Variants in SAMHD1 observed in about 807,000 individuals in gnomAD.
The protein encoded by SAMHD1 is SAM and HD domain containing deoxynucleoside triphosphate triphosphohydrolase 1.
A neutral mutation model predicts 79.6 loss-of-function variants in SAMHD1; 54 were observed. The ratio of observed to expected loss-of-function variants is 0.68; its 90% CI spans 0.55 to 0.85. The LOEUF is 0.85. Ranked by LOEUF, SAMHD1 falls within the 40% of genes least tolerant of loss-of-function variation. The probability of loss-of-function intolerance (pLI) is 0.00; values close to 1 mark genes in which losing one functional copy is unlikely to be tolerated. For synonymous variants in SAMHD1, 260 were observed against 264.1 expected (o/e 0.98, Z 0.15); for missense variants, 663 against 782.7 (o/e 0.85, Z 1.82).
rs60521937 is a variant in SAMHD1 at position 36,940,949 on chromosome 20, A to T, written c.348+90T>A. On this transcript the variant is annotated intron_variant, in intron 3 of 15. Coordinates refer to ENST00000646673, the MANE Select transcript of SAMHD1 (RefSeq NM_015474.4). ...TCACAATTCTATCACTGAGAAGCAG[A>T]TTTCCTCCTATTCTCTTCAAAATGA... is the stretch of plus-strand genomic sequence containing the variant. 904 of 962,310 alleles carry T rather than the reference A, an allele frequency of 9.4e-4. 7 individuals are homozygous for T. The African/African-American group carries it at 0.013, about 14-fold the overall frequency. 59.6% of individuals were successfully genotyped at this position (962,310 alleles called of 1,614,324 possible). A position where few individuals can be genotyped will look rare whatever the true frequency, so the allele number is the denominator to read the frequency against.
chr20:36,898,496 C>T lies in SAMHD1; in HGVS notation c.1552G>A (p.Val518Ile), dbSNP rs1990239690. 6.2e-7 allele frequency: 1 copy of T among 1,614,028 alleles called. No homozygotes were observed. Among genetic ancestry groups the T allele is most frequent in the Non-Finnish European group, 8.5e-7 (1 of 1,179,970 alleles). Residue 518 changes from valine (V) to isoleucine (I), a missense_variant, in exon 14 of 16, where the codon GTT becomes ATT. Val to Ile is a conservative substitution (Grantham distance 29). Transcript: ENST00000646673. ...GMQEKNPIDH[V>I]SFYCKTAPNR... Reference sequence around the variant, plus strand: ...GGGGCAGTCTTACAATAGAAGCTAACATGATCAATTGGATTCTTTTCTTGC... The same window carrying T: ...GGGGCAGTCTTACAATAGAAGCTAATATGATCAATTGGATTCTTTTCTTGC...
At chr20:36,920,845 G>A (rs903541097) in intron 6 of SAMHD1, among the ~76,000 whole-genome samples, 1 of 151,828 alleles carries the variant, frequency 6.6e-6, no homozygotes, top group Admixed American at 6.6e-5. Flanking sequence ...ATTTTTTTGA[G>A]AGGCAAAGGT....
At chr20:36,945,461 T>A (rs1384053438) in intron 2 of SAMHD1, among the ~76,000 whole-genome samples, 1 of 152,204 alleles carries the variant, frequency 6.6e-6, no homozygotes, top group Non-Finnish European at 1.5e-5. Context: ...TTGATTTTCT[T>A]ACTAACATTT....
Position 36,948,631 on chromosome 20 carries a change from G to A in SAMHD1, c.209-1827C>T, listed in dbSNP as rs180787225. ...CACCTGTAATCCCAGCACTTTGGGA[G>A]GCCAAGGCGTGTGAATCATCAGGTC... On this transcript the variant is annotated intron_variant, in intron 1 of 15. Transcript: ENST00000646673. 3.8e-3 allele frequency among the ~76,000 whole-genome samples: 580 copies of A among 151,600 alleles called. 5 individuals carry two copies. The highest frequency in any genetic ancestry group is 0.014 in the African/African-American group (560 of 41,410).
intron 2 of SAMHD1, 141 bp downstream of exon 2, chr20:36,946,596 CA>C: frequency 1.5e-6 from 1 of 652,622 alleles, no homozygotes. Context: ...CAAACAAAAC[CA>C]GCAGGCAAGG....
chr20:36,906,953 A>G (rs549871305), intron 11 of SAMHD1, among the ~76,000 whole-genome samples: 1 of 151,832 alleles, frequency 6.6e-6, no homozygotes, highest in East Asian at 1.9e-4. Flanking sequence ...CACCACACCC[A>G]GCTAATTTTT....
chr20:36,938,678 T>C (rs937235465), intron 3 of SAMHD1, among the ~76,000 whole-genome samples: 1 of 150,810 alleles, frequency 6.6e-6, no homozygotes, highest in Non-Finnish European at 1.5e-5. Flanking sequence ...CTACTAAAAA[T>C]ACAAAAAATT....
intron 6 of SAMHD1, among the ~76,000 whole-genome samples, chr20:36,921,775 G>A (rs1380863726): frequency 6.7e-6 from 1 of 149,058 alleles, no homozygotes; most frequent in Non-Finnish European, 1.5e-5. Context: ...TGCAACCTCC[G>A]CCTCCCAGGT....
At chr20:36,912,432 T>C (rs1403040578) in intron 10 of SAMHD1, 29 bp downstream of exon 10, 2 of 1,481,628 alleles carry the variant, frequency 1.3e-6, no homozygotes, top group Non-Finnish European at 1.9e-6. Flanking sequence ...AGGAAAATTT[T>C]ATAGGGAAAT....
At chr20:36,927,586 G>T (rs1187813859) in intron 5 of SAMHD1, among the ~76,000 whole-genome samples, 6 of 151,980 alleles carry the variant, frequency 3.9e-5, no homozygotes, top group Non-Finnish European at 8.8e-5. Flanking sequence ...CAAAGTGCTG[G>T]GATTACAGGC....
intron 5 of SAMHD1, among the ~76,000 whole-genome samples, chr20:36,927,627 C>A (rs2063545132): frequency 6.6e-6 from 1 of 152,054 alleles, no homozygotes; most frequent in African/African-American, 2.4e-5. Flanking sequence ...AAACTGAATT[C>A]TTTAATCTTT....
Position 36,911,304 on chromosome 20 carries a change from T to C in SAMHD1, c.1184A>G (p.Asp395Gly), listed in dbSNP as rs2094373867. 6.2e-7 allele frequency: 1 copy of C among 1,612,190 alleles called. No individual in the cohort carries two copies. The highest frequency in any genetic ancestry group is 1.3e-5 in the African/African-American group (1 of 74,922). Residue 395 changes from aspartate (D) to glycine (G), a missense_variant, in exon 11 of 16, where the codon GAC (aspartate) becomes GGC (glycine). By Grantham distance (94) the Asp-to-Gly change is moderately conservative. Transcript: ENST00000646673. The stretch of plus-strand genomic sequence containing the variant: ...TCCAGCACCTGTAATCTCTATGTAG[T>C]CATCTGCTTTGAGGAAAGCATCTGT... ...MITDAFLKAD[D>G]YIEITGAGGK...
intron 1 of SAMHD1, among the ~76,000 whole-genome samples, chr20:36,948,963 A>G (rs1487739200): frequency 6.6e-6 from 1 of 150,842 alleles, no homozygotes; most frequent in African/African-American, 2.4e-5. Context: ...CAAGAGGCTC[A>G]GGAATCAAAC....
rs1990240962 is a variant in SAMHD1, at chr20:36,898,537, T to G, written c.1511A>C (p.Asn504Thr). The G allele has an allele frequency of 6.2e-7, 1 of 1,612,486 alleles. No homozygotes were observed. Among genetic ancestry groups the G allele is most frequent in the Non-Finnish European group, 8.5e-7 (1 of 1,178,606 alleles). ...KAEDFIVDVI[N>T]MDYGMQEKNP... is the part of the protein sequence containing the mutation. ...CTTTTCTTGCATTCCATAATCCATG[T>G]TGATAACCTAAATAAAAGCAATTCA... Residue 504 changes from asparagine to threonine, a missense_variant, in exon 14 of 16, where the codon AAC becomes ACC. Asn to Thr is a moderately conservative substitution (Grantham distance 65). Coordinates refer to ENST00000646673, the MANE Select transcript of SAMHD1 (RefSeq NM_015474.4).
rs57018620 is a variant in SAMHD1 at position 36,939,253 on chromosome 20, CAAAAAAAAAAAA to C, written c.348+1774_348+1785del. The stretch of plus-strand genomic sequence containing the variant: ...TGGGCAACAGAGCGAGACTCCCTCT[CAAAAAAAAAAAA>C]AAAAAAAAAAAAAAGAAAAGAAAAG... On this transcript the variant is annotated intron_variant, in intron 3 of 15. Transcript: ENST00000646673. 7.6e-4 allele frequency among the ~76,000 whole-genome samples: 28 copies of C among 36,642 alleles called. No homozygotes were observed. The East Asian group carries it at 0.013, about 17-fold the overall frequency. 24.0% of individuals were successfully genotyped at this position (36,642 alleles called of 152,430 possible).
Position 36,900,773 on chromosome 20 carries a change from C to T in SAMHD1, c.1504-2229G>A, listed in dbSNP as rs899084728. Among the ~76,000 whole-genome samples, 5 of 150,028 alleles carry T rather than the reference C, an allele frequency of 3.3e-5. No homozygotes were observed. The South Asian group carries it at 6.4e-4, about 19-fold the overall frequency. On this transcript the variant is annotated intron_variant, in intron 13 of 15. Transcript: ENST00000646673. The stretch of plus-strand genomic sequence containing the variant: ...AATTTTAGTAGAGACAGGGTTTCAC[C>T]ATGTTGGCCAGGATGGTCTCGATCT...
chr20:36,935,874 A>AT (rs1011386774), intron 3 of SAMHD1, among the ~76,000 whole-genome samples: 9 of 149,458 alleles, frequency 6.0e-5, no homozygotes, highest in Admixed American at 2.0e-4. Context: ...CCCGGCCTAA[A>AT]TTTTTTTTTT....
intron 12 of SAMHD1, 159 bp downstream of exon 12, chr20:36,905,205 T>C (rs1017984504): frequency 2.7e-6 from 2 of 753,432 alleles, no homozygotes; most frequent in Admixed American, 4.6e-5. Flanking sequence ...AGTTTCTCTA[T>C]CTGTAAAACA....
chr20:36,891,657 G>A lies in SAMHD1; in HGVS notation c.*1275C>T, dbSNP rs1990077150. On this transcript the variant is annotated 3_prime_UTR_variant, in exon 16 of 16. Transcript: ENST00000646673. ...TAGCGGAGCCTGGAGCCCACTGGGT[G>A]GTCACTAATTTCAGCACAGGCAGTG... The A allele has an allele frequency of 6.6e-6, 1 of 152,272 alleles. No individual in the cohort carries two copies. Among genetic ancestry groups the A allele is most frequent in the Non-Finnish European group, 1.5e-5 (1 of 68,090 alleles). 9.4% of individuals were successfully genotyped at this position (152,272 alleles called of 1,614,324 possible).
Sources: gnomAD v4.1 joint callset for allele counts (sites outside exome capture counted in the v4.1 genomes callset) on GRCh38, gnomAD v4.1.1 for gene constraint, MANE v1.5 for transcripts, NCBI Gene and HGNC (gene_info 2026-07-23, HGNC 2026-07-21) for gene names.